Variants in ALOXE3 observed in about 807,000 individuals in gnomAD.
The protein encoded by ALOXE3 is hydroperoxide isomerase ALOXE3.
A neutral mutation model predicts 87.5 loss-of-function variants in ALOXE3; 78 were observed. The ratio of observed to expected loss-of-function variants is 0.89; its 90% CI spans 0.74 to 1.08. The LOEUF is 1.08. Ranked by LOEUF, ALOXE3 falls within the 50% of genes least tolerant of loss-of-function variation. ALOXE3 has a pLI of 0.00. For synonymous variants in ALOXE3, 363 were observed against 370.8 expected (o/e 0.98, Z 0.24); for missense variants, 946 against 912.4 (o/e 1.04, Z -0.47).
Position 8,110,127 on chromosome 17 carries a change from G to A in ALOXE3, c.1270C>T (p.Leu424=). The part of the protein sequence containing the change: ...LLCEAFAMAT[L]RQLPLCHPIY... ...GGGTGGCAGAGCGGCAGCTGGCGCAGCGTGGCCATGGCGAAGGCCTCGCAC... is the reference window on the plus strand; with the variant it reads ...GGGTGGCAGAGCGGCAGCTGGCGCAACGTGGCCATGGCGAAGGCCTCGCAC... The change falls in exon 10 of 16, where the codon CTG becomes TTG. Residue 424 remains leucine (L), a synonymous_variant. Transcript: ENST00000448843. 1 of 1,613,532 alleles carries A rather than the reference G, an allele frequency of 6.2e-7. No individual in the cohort carries two copies. The highest frequency in any genetic ancestry group is 8.5e-7 in the Non-Finnish European group (1 of 1,179,782).
At chr17:8,115,883 A>T (rs1185025123) in intron 3 of ALOXE3, among the ~76,000 whole-genome samples, 195 bp from the exon 4 acceptor site, 1 of 152,208 alleles carries the variant, frequency 6.6e-6, no homozygotes, top group African/African-American at 2.4e-5. Context: ...AAATTATAGC[A>T]ATCTTCCCAA....
At chr17:8,115,517 G>A (rs1445134651) in intron 4 of ALOXE3, 90 bp downstream of exon 4, 32 of 1,373,512 alleles carry the variant, frequency 2.3e-5, no homozygotes, top group Non-Finnish European at 3.1e-5. Flanking sequence ...GGCACCCAAG[G>A]TTGAGAATGA....
chr17:8,106,085 C>T (rs550025078), intron 13 of ALOXE3, among the ~76,000 whole-genome samples: 20 of 151,820 alleles, frequency 1.3e-4, no homozygotes, highest in Admixed American at 4.6e-4. Flanking sequence ...GCAGGCTTGG[C>T]GGGCAAGCAG....
intron 13 of ALOXE3, 45 bp from the exon 14 acceptor site, chr17:8,104,260 G>T: frequency 6.9e-7 from 1 of 1,455,050 alleles, no homozygotes; most frequent in Non-Finnish European, 9.6e-7. Flanking sequence ...GGAAGGTACT[G>T]GATTCCTAGG....
rs770986562 is a variant in ALOXE3 at position 8,109,293 on chromosome 17, C to T, written c.1443G>A (p.Leu481=). ...AGAAATTGGTGTAGGTGAAGTGGGC[C>T]AGGCCCGTGCTCATGAGGTAGATGA... is the stretch of plus-strand genomic sequence containing the variant. The part of the protein sequence containing the change: ...QGLIYLMSTG[L]AHFTYTNFCL... Residue 481 remains leucine, a synonymous_variant, in exon 12 of 16, where the codon CTG becomes CTA. Coordinates refer to ENST00000448843, the MANE Select transcript of ALOXE3 (RefSeq NM_021628.3). The T allele has an allele frequency of 1.9e-6, 3 of 1,614,116 alleles. No individual in the cohort carries two copies. The highest frequency in any genetic ancestry group is 8.5e-7 in the Non-Finnish European group (1 of 1,180,038).
In ALOXE3 at chr17:8,096,491, G is replaced by A; in HGVS notation, c.*136C>T. The A allele has an allele frequency of 2.8e-6, 2 of 710,204 alleles. No homozygotes were observed. Among genetic ancestry groups the A allele is most frequent in the Non-Finnish European group, 5.2e-6 (2 of 385,654 alleles). The allele number at this position is 710,204 out of a possible 1,614,324, so 44.0% of individuals were successfully genotyped here. A position where few individuals can be genotyped will look rare whatever the true frequency, so the allele number is the denominator to read the frequency against. ...GTATGATGTCAGAGCCATCTTGGCT[G>A]CAAAAGTCTCCATGTGCAGAAGAGA... On this transcript the variant is annotated 3_prime_UTR_variant, in exon 16 of 16. Transcript: ENST00000448843.
In ALOXE3 at chr17:8,118,073, G is replaced by T; in HGVS notation, c.-83C>A. On this transcript the variant is annotated 5_prime_UTR_variant, in exon 2 of 16. Transcript: ENST00000448843. ...AGGAGAAGAGCGGCACGCCGGACAG[G>T]GCTGGGTTTCTGGGCGGAGGGCTAG... 6.4e-7 allele frequency: 1 copy of T among 1,572,514 alleles called. No homozygotes were observed. The highest frequency in any genetic ancestry group is 8.6e-7 in the Non-Finnish European group (1 of 1,160,574).
intron 15 of ALOXE3, among the ~76,000 whole-genome samples, chr17:8,099,538 G>A (rs937595987): frequency 6.6e-6 from 1 of 151,928 alleles, no homozygotes; most frequent in Non-Finnish European, 1.5e-5. Flanking sequence ...GTGCATGCCT[G>A]TAATCCCAGC....
intron 13 of ALOXE3, among the ~76,000 whole-genome samples, chr17:8,108,159 C>T (rs1476322143): frequency 1.3e-5 from 2 of 152,072 alleles, no homozygotes; most frequent in Admixed American, 6.5e-5. Flanking sequence ...TCAGAGATGG[C>T]TCCCACTGCA....
intron 6 of ALOXE3, 77 bp from the exon 7 acceptor site, chr17:8,112,273 G>T: frequency 1.8e-6 from 2 of 1,103,710 alleles, no homozygotes; most frequent in Non-Finnish European, 2.8e-6. Flanking sequence ...CCCTCTGCCT[G>T]GAGGAACTGA....
intron 15 of ALOXE3, among the ~76,000 whole-genome samples, chr17:8,098,244 T>G (rs1019689902): frequency 1.4e-5 from 2 of 139,784 alleles, no homozygotes; most frequent in South Asian, 2.5e-4. Flanking sequence ...GTTTTTTTTT[T>G]TTTTTTTTTT....
Position 8,109,980 on chromosome 17 carries a change from T to C in ALOXE3, c.1328A>G (p.Tyr443Cys). The C allele has an allele frequency of 1.3e-6, 2 of 1,552,522 alleles. No individual in the cohort carries two copies. Among genetic ancestry groups the C allele is most frequent in the Non-Finnish European group, 1.7e-6 (2 of 1,147,558 alleles). ...IYKLLLPHTR[Y>C]TLQVNTIARA... ...CGCGATGGTGTTCACCTGCAGCGTG[T>C]ATCGAGTGTGGGGGAGTAGGAGCTG... The change falls in exon 11 of 16, where the codon TAC becomes TGC. Residue 443 changes from tyrosine to cysteine, a missense_variant. By Grantham distance (194) the Tyr-to-Cys change is radical (BLOSUM62 -2). Coordinates refer to ENST00000448843, the MANE Select transcript of ALOXE3 (RefSeq NM_021628.3).
rs575365103 is a variant in ALOXE3, at chr17:8,109,962, G to C, written c.1346C>G (p.Thr449Ser). The C allele has an allele frequency of 1.7e-5, 26 of 1,551,694 alleles. No individual in the cohort carries two copies. The South Asian group carries it at 3.0e-4, about 18-fold the overall frequency. Residue 449 changes from threonine to serine, a missense_variant, in exon 11 of 16, where the codon ACC becomes AGC. Thr to Ser is a moderately conservative substitution (Grantham distance 58). Transcript: ENST00000448843. ...GTTGAGCAGCGTGGCCCTCGCGATG[G>C]TGTTCACCTGCAGCGTGTATCGAGT... Reference protein sequence around the residue: ...PHTRYTLQVNTIARATLLNPE... With the variant: ...PHTRYTLQVNSIARATLLNPE...
In ALOXE3 at chr17:8,118,269, G is replaced by T; in HGVS notation, c.-279C>A. ...CTGACACAGCCGGTCCCTCTGGCTG[G>T]CTCACCCAGATGGATATCAGGAGCC... On this transcript the variant is annotated 5_prime_UTR_variant, in exon 2 of 16. Transcript: ENST00000448843. 1 of 1,551,700 alleles carries T rather than the reference G, an allele frequency of 6.4e-7. No individual in the cohort carries two copies. Among genetic ancestry groups the T allele is most frequent in the African/African-American group, 1.4e-5 (1 of 73,166 alleles).
intron 1 of ALOXE3, 65 bp from the exon 2 acceptor site, chr17:8,118,368 C>A: frequency 6.4e-7 from 1 of 1,551,560 alleles, no homozygotes; most frequent in Middle Eastern, 1.7e-4. Context: ...AATTGGGACA[C>A]TGCCCTCCGC....
chr17:8,115,793 A>G, intron 3 of ALOXE3, 105 bp from the exon 4 acceptor site: 3 of 1,140,502 alleles, frequency 2.6e-6, no homozygotes, highest in Non-Finnish European at 4.0e-6. Flanking sequence ...CGACAGCCAC[A>G]TCCCTGTGAA....
rs541933398 is a variant in ALOXE3, at chr17:8,098,875, G to A, written c.1957-2069C>T. ...ATTTTTTTCTTTTTTTGTTTAAACA[G>A]GGTCTCACTCTGTCACCCAGGCAGA... On this transcript the variant is annotated intron_variant, in intron 15 of 15. Transcript: ENST00000448843. Among the ~76,000 whole-genome samples the A allele has an allele frequency of 2.6e-5, 4 of 151,966 alleles. No homozygotes were observed. The South Asian group carries it at 8.3e-4, about 32-fold the overall frequency.
chr17:8,109,070 G>A (rs1382464171), intron 12 of ALOXE3, 104 bp downstream of exon 12: 9 of 1,507,444 alleles, frequency 6.0e-6, no homozygotes, highest in Non-Finnish European at 8.1e-6. Context: ...CTATGCTAGG[G>A]TGTGAAAACA....
intron 15 of ALOXE3, among the ~76,000 whole-genome samples, chr17:8,098,300 G>A (rs916324146): frequency 2.0e-4 from 27 of 135,978 alleles, no homozygotes; most frequent in South Asian, 7.2e-4. Context: ...GTGCAGTGGC[G>A]CGATCTTGGC....
Sources: allele counts gnomAD v4.1 joint callset (sites outside exome capture counted in the v4.1 genomes callset), GRCh38; gene constraint gnomAD v4.1.1; transcripts MANE v1.5; gene names NCBI Gene and HGNC (gene_info 2026-07-23, HGNC 2026-07-21).